VBP1: variants seen among roughly 807,000 people sequenced by gnomAD.
The protein encoded by VBP1 is prefoldin subunit 3.
A neutral mutation model predicts 15.5 loss-of-function variants in VBP1; 4 were observed. The observed-to-expected ratio is 0.26, with a 90% CI of 0.13 to 0.59. VBP1 has a LOEUF of 0.59. VBP1 is among the 20% of genes least tolerant of loss of function. The pLI, the probability that VBP1 is intolerant of heterozygous loss-of-function variation, is 0.90. For synonymous variants in VBP1, 61 were observed against 52.1 expected (o/e 1.17, Z -0.74); for missense variants, 108 against 139.6 (o/e 0.77, Z 1.14).
chrX:155,212,031 A>G (rs1481961494), upstream of VBP1, among the ~76,000 whole-genome samples: 2 of 112,340 alleles, frequency 1.8e-5, no homozygotes, highest in Non-Finnish European at 3.8e-5. Flanking sequence ...ATGTGCCCAA[A>G]GCCCTATTAT....
intron 2 of VBP1, among the ~76,000 whole-genome samples, chrX:155,223,069 T>C (rs1254032977): frequency 1.8e-5 from 2 of 109,884 alleles, no homozygotes; most frequent in Non-Finnish European, 3.8e-5. Flanking sequence ...CATGATCTAG[T>C]TGTTTTGCAG....
chrX:155,215,539 A>G (rs2074659399), upstream of VBP1, among the ~76,000 whole-genome samples: 4 of 112,383 alleles, frequency 3.6e-5, no homozygotes, highest in South Asian at 1.1e-3. Context: ...TATTATATCT[A>G]AAGACATATC....
At chrX:155,199,767 T>A (rs1216069457) in intron 1 of VBP1, among the ~76,000 whole-genome samples, 1 of 111,729 alleles carries the variant, frequency 9.0e-6, no homozygotes, top group Non-Finnish European at 1.9e-5. Context: ...AGTATCAACC[T>A]TAAATGTAAA....
At chrX:155,221,928 A>C (rs1483254510) in intron 2 of VBP1, among the ~76,000 whole-genome samples, 2 of 112,603 alleles carry the variant, frequency 1.8e-5, no homozygotes, top group East Asian at 5.5e-4. Flanking sequence ...GATAGAAAAC[A>C]TTAAGAACAG....
rs782154222 is a variant in VBP1 at position 155,216,476 on chromosome X, C to T, written c.-7C>T. 1.7e-6 allele frequency: 2 copies of T among 1,167,101 alleles called. No individual in the cohort carries two copies. Among genetic ancestry groups the T allele is most frequent in the East Asian group, 3.2e-5 (1 of 30,847 alleles). On this transcript the variant is annotated 5_prime_UTR_variant, in exon 1 of 6. Transcript: ENST00000286428. The stretch of plus-strand genomic sequence containing the variant: ...CCGGGAGGCAGTCGCGCGCTCGCAT[C>T]CCCAAGATGGCGGCCGTTAAGGACA...
chrX:155,208,631 A>C (rs1192903564), intron 1 of VBP1, among the ~76,000 whole-genome samples: 1 of 111,448 alleles, frequency 9.0e-6, no homozygotes, highest in African/African-American at 3.3e-5. Flanking sequence ...CTTTTCAATA[A>C]CTATTCTTTA....
At chrX:155,200,496 G>C (rs879170267) in intron 1 of VBP1, among the ~76,000 whole-genome samples, 19 of 110,874 alleles carry the variant, frequency 1.7e-4, no homozygotes, top group African/African-American at 4.3e-4. Flanking sequence ...GAACAACCTG[G>C]TCCTGAATGA....
At chrX:155,230,866 C>T (rs373006758) in intron 4 of VBP1, among the ~76,000 whole-genome samples, 3 of 111,189 alleles carry the variant, frequency 2.7e-5, no homozygotes, top group South Asian at 3.8e-4. Context: ...TTGGTAGAGA[C>T]GGGGTTTTGC....
chrX:155,220,404 A>C, intron 2 of VBP1, 97 bp downstream of exon 2: 4 of 769,440 alleles, frequency 5.2e-6, no homozygotes, highest in Non-Finnish European at 7.0e-6. Context: ...TTCAGATGTC[A>C]AGTGTTCAGT....
upstream of VBP1, among the ~76,000 whole-genome samples, chrX:155,214,955 T>G (rs889034344): frequency 2.7e-5 from 3 of 110,310 alleles, no homozygotes; most frequent in Non-Finnish European, 5.7e-5. Flanking sequence ...TTTGTACCTG[T>G]AAGGGAGTAA....
Position 155,239,646 on chromosome X carries a change from G to C in VBP1, c.*804G>C, listed in dbSNP as rs1378821368. 1 of 111,854 alleles carries C rather than the reference G, an allele frequency of 8.9e-6. No homozygotes were observed. The highest frequency in any genetic ancestry group is 1.9e-5 in the Non-Finnish European group (1 of 53,160). 9.2% of individuals were successfully genotyped at this position (111,854 alleles called of 1,213,427 possible). On this transcript the variant is annotated 3_prime_UTR_variant, in exon 6 of 6. Transcript: ENST00000286428. ...TTTTATTCATGATAAAACCTTATAGGAATAGTATAAAAAATCCCTGTGGAA... is the reference window on the plus strand; with the variant it reads ...TTTTATTCATGATAAAACCTTATAGCAATAGTATAAAAAATCCCTGTGGAA...
At chrX:155,208,037 A>G (rs1179071991) in intron 1 of VBP1, among the ~76,000 whole-genome samples, 2 of 112,016 alleles carry the variant, frequency 1.8e-5, no homozygotes, top group Non-Finnish European at 3.8e-5. Context: ...AAGTAAGCCC[A>G]TATTTCCTCA....
chrX:155,225,939 T>G (rs1557310216), intron 2 of VBP1, among the ~76,000 whole-genome samples: 3 of 112,133 alleles, frequency 2.7e-5, no homozygotes, highest in African/African-American at 9.7e-5. Context: ...ACACATTTCT[T>G]GCCAGGTCAG....
chrX:155,208,931 C>G, exon 2 of VBP1: 5 of 1,155,201 alleles, frequency 4.3e-6, no homozygotes, highest in Non-Finnish European at 5.7e-6. Flanking sequence ...GATTCATACC[C>G]AGCAAGGCCT....
At chrX:155,202,655 C>G (rs2074609687) in intron 1 of VBP1, among the ~76,000 whole-genome samples, 1 of 107,063 alleles carries the variant, frequency 9.3e-6, no homozygotes, top group Non-Finnish European at 1.9e-5. Flanking sequence ...CATAAAAACC[C>G]TAGAAGAAAA....
chrX:155,215,499 C>G (rs1259757484), upstream of VBP1, among the ~76,000 whole-genome samples: 2 of 112,146 alleles, frequency 1.8e-5, no homozygotes, highest in Non-Finnish European at 3.8e-5. Context: ...TTTCCTCATT[C>G]ACAATATGAC....
upstream of VBP1, among the ~76,000 whole-genome samples, chrX:155,214,767 C>CTTTTTTTTTTTT (rs2074656436): frequency 1.7e-5 from 1 of 57,393 alleles, no homozygotes; most frequent in Admixed American, 1.8e-4. Flanking sequence ...TTTTTCTTTT[C>CTTTTTTTTTTTT]CTTTTTTTTT....
At chrX:155,230,254 G>A (rs1557310684) in intron 4 of VBP1, among the ~76,000 whole-genome samples, 1 of 111,459 alleles carries the variant, frequency 9.0e-6, no homozygotes, top group African/African-American at 3.3e-5. Flanking sequence ...ATCTTCACAT[G>A]TGTGCATGCA....
chrX:155,202,455 A>C (rs1465590950), intron 1 of VBP1, among the ~76,000 whole-genome samples: 2 of 111,364 alleles, frequency 1.8e-5, no homozygotes, highest in Admixed American at 1.9e-4. Flanking sequence ...ATAACGCCGC[A>C]TATCTACAAC....
Sources: gnomAD v4.1 joint callset for allele counts (sites outside exome capture counted in the v4.1 genomes callset) on GRCh38, gnomAD v4.1.1 for gene constraint, MANE v1.5 for transcripts, NCBI Gene and HGNC (gene_info 2026-07-23, HGNC 2026-07-21) for gene names.